GALNTL6: variants seen among roughly 807,000 people sequenced by gnomAD.
GALNTL6 encodes the protein polypeptide N-acetylgalactosaminyltransferase like 6.
GALNTL6 carries 46 observed loss-of-function variants against 73.7 expected under a neutral mutation model. The observed-to-expected ratio is 0.62, with a 90% CI of 0.49 to 0.80. The LOEUF is 0.80. Among genes scored for constraint, GALNTL6 ranks in the 30% least tolerant of loss-of-function variants. The probability of loss-of-function intolerance (pLI) is 0.00; values close to 1 mark genes in which losing one functional copy is unlikely to be tolerated. For synonymous variants in GALNTL6, 259 were observed against 263.7 expected (o/e 0.98, Z 0.17); for missense variants, 604 against 755.0 (o/e 0.80, Z 2.34).
chr4:172,027,902 C>A (rs1205755042), intron 2 of GALNTL6, among the ~76,000 whole-genome samples: 1 of 152,032 alleles, frequency 6.6e-6, no homozygotes, highest in Non-Finnish European at 1.5e-5. Flanking sequence ...AGCTGCAGGA[C>A]AAAAGTATGG....
intron 3 of GALNTL6, among the ~76,000 whole-genome samples, chr4:172,262,157 C>T (rs1235702256): frequency 6.6e-6 from 1 of 151,306 alleles, no homozygotes; most frequent in Non-Finnish European, 1.5e-5. Flanking sequence ...TCCATTTGTT[C>T]TAGGGTATAG....
At chr4:172,155,043 G>A (rs113336080) in intron 2 of GALNTL6, among the ~76,000 whole-genome samples, 4 of 151,826 alleles carry the variant, frequency 2.6e-5, no homozygotes, top group African/African-American at 9.7e-5. Flanking sequence ...TGTTGTCCAG[G>A]CTGGAGTGCA....
intron 5 of GALNTL6, among the ~76,000 whole-genome samples, chr4:172,788,165 G>T (rs926090549): frequency 9.4e-5 from 14 of 149,558 alleles, no homozygotes; most frequent in Non-Finnish European, 1.8e-4. Flanking sequence ...GGGCAACACA[G>T]TGAGACCCTG....
chr4:172,481,731 A>G (rs1346327580), intron 5 of GALNTL6, among the ~76,000 whole-genome samples: 1 of 152,194 alleles, frequency 6.6e-6, no homozygotes, highest in Non-Finnish European at 1.5e-5. Flanking sequence ...ACCCTGAGCT[A>G]GACACAGAGT....
chr4:172,971,876 A>G (rs1303260861), intron 10 of GALNTL6, among the ~76,000 whole-genome samples: 1 of 152,162 alleles, frequency 6.6e-6, no homozygotes, highest in African/African-American at 2.4e-5. Flanking sequence ...CAAACATATA[A>G]ATCCACAGAA....
chr4:171,941,226 A>T (rs979323788), intron 2 of GALNTL6, among the ~76,000 whole-genome samples: 2 of 152,204 alleles, frequency 1.3e-5, no homozygotes, highest in Non-Finnish European at 2.9e-5. Context: ...AGCTTGACTC[A>T]TTGTTGACTG....
chr4:172,491,865 A>G (rs1733907519), intron 5 of GALNTL6, among the ~76,000 whole-genome samples: 1 of 152,216 alleles, frequency 6.6e-6, no homozygotes, highest in Admixed American at 6.5e-5. Context: ...GTTCCTCAAA[A>G]GAAATATGGA....
intron 5 of GALNTL6, among the ~76,000 whole-genome samples, chr4:172,576,963 C>A (rs1001475272): frequency 5.3e-5 from 8 of 152,096 alleles, no homozygotes; most frequent in African/African-American, 9.7e-5. Context: ...TTGAGCAACC[C>A]AGGGAATATT....
chr4:172,094,037 G>A (rs893030015), intron 2 of GALNTL6, among the ~76,000 whole-genome samples: 2 of 152,144 alleles, frequency 1.3e-5, no homozygotes, highest in African/African-American at 2.4e-5. Flanking sequence ...CCAGTCCCTG[G>A]TGCCAAAAAG....
intron 5 of GALNTL6, among the ~76,000 whole-genome samples, chr4:172,713,848 G>A (rs2111333494): frequency 6.6e-6 from 1 of 152,196 alleles, no homozygotes; most frequent in African/African-American, 2.4e-5. Flanking sequence ...TAATGCAATA[G>A]TGTCAGCTTA....
At chr4:172,032,816 T>A (rs1741809476) in intron 2 of GALNTL6, among the ~76,000 whole-genome samples, 1 of 152,066 alleles carries the variant, frequency 6.6e-6, no homozygotes, top group Admixed American at 6.6e-5. Flanking sequence ...AAATAATGTC[T>A]CTTGCAGAAA....
chr4:171,845,240 C>T lies in GALNTL6; in HGVS notation c.138+30522C>T, dbSNP rs552896143. Among the ~76,000 whole-genome samples the T allele has an allele frequency of 3.4e-4, 52 of 152,206 alleles. 1 individual carries two copies. The highest frequency in any genetic ancestry group is 2.7e-3 in the Admixed American group (42 of 15,276). ...TGATTGGATAATTGCATCTGGAGGA[C>T]AAAATTCTTGCTGGTCTCTTTGTTC... On this transcript the variant is annotated intron_variant, in intron 2 of 12. Coordinates refer to ENST00000506823, the MANE Select transcript of GALNTL6 (RefSeq NM_001034845.3).
intron 5 of GALNTL6, among the ~76,000 whole-genome samples, chr4:172,634,186 T>C (rs1739540278): frequency 6.6e-6 from 1 of 152,164 alleles, no homozygotes; most frequent in African/African-American, 2.4e-5. Context: ...ACTTATGAGG[T>C]ATAAATTATT....
intron 9 of GALNTL6, among the ~76,000 whole-genome samples, chr4:172,939,582 G>T (rs1748812391): frequency 1.3e-5 from 2 of 152,138 alleles, no homozygotes; most frequent in South Asian, 4.2e-4. Flanking sequence ...TATGTGCCAG[G>T]CAGAAATGCA....
intron 12 of GALNTL6, among the ~76,000 whole-genome samples, chr4:173,023,208 G>A (rs1324486440): frequency 6.6e-6 from 1 of 152,160 alleles, no homozygotes; most frequent in African/African-American, 2.4e-5. Context: ...TATGTTACTT[G>A]TTGCCTTACT....
chr4:172,302,839 A>C (rs1337429607), intron 3 of GALNTL6, among the ~76,000 whole-genome samples: 4 of 151,942 alleles, frequency 2.6e-5, no homozygotes, highest in Non-Finnish European at 5.9e-5. Context: ...CTATTCATTT[A>C]AGTTTGGCTG....
chr4:172,957,940 C>CAGACTTGAAT (rs1308996806), intron 10 of GALNTL6, among the ~76,000 whole-genome samples: 1 of 152,000 alleles, frequency 6.6e-6, no homozygotes, highest in Non-Finnish European at 1.5e-5. Context: ...GGGTGAGGAA[C>CAGACTTGAAT]ATGAAAGAAT....
chr4:171,945,576 T>G (rs1360775980), intron 2 of GALNTL6, among the ~76,000 whole-genome samples: 1 of 152,146 alleles, frequency 6.6e-6, no homozygotes, highest in African/African-American at 2.4e-5. Context: ...ATGTTAGTAT[T>G]TTATTGGCAT....
At chr4:171,827,110 GT>G (rs1396663045) in intron 2 of GALNTL6, among the ~76,000 whole-genome samples, 2 of 152,116 alleles carry the variant, frequency 1.3e-5, no homozygotes, top group East Asian at 3.9e-4. Flanking sequence ...AGAAGTTAAG[GT>G]TACACTTTAT....
Sources: gnomAD v4.1 joint callset for allele counts (sites outside exome capture counted in the v4.1 genomes callset) on GRCh38, gnomAD v4.1.1 for gene constraint, MANE v1.5 for transcripts, NCBI Gene and HGNC (gene_info 2026-07-23, HGNC 2026-07-21) for gene names.